Variants in ADAMTS6 observed in about 807,000 individuals in gnomAD.
ADAMTS6 encodes ADAM metallopeptidase with thrombospondin type 1 motif 6, also known as A disintegrin and metalloproteinase with thrombospondin motifs 6.
ADAMTS6 carries 23 observed loss-of-function variants against 144.3 expected under a neutral mutation model. The ratio of observed to expected loss-of-function variants is 0.16; its 90% CI spans 0.11 to 0.23. The LOEUF (loss-of-function observed/expected upper bound fraction) is 0.23. Among genes scored for constraint, ADAMTS6 ranks in the 10% least tolerant of loss-of-function variants. The pLI is 1.00. For synonymous variants in ADAMTS6, 444 were observed against 457.5 expected, an observed-to-expected ratio of 0.97 and a Z score of 0.38; for missense variants, 999 against 1,379.6, an observed-to-expected ratio of 0.72 and a Z score of 4.37.
chr5:65,218,698 T>C (rs1331378106), intron 18 of ADAMTS6, among the ~76,000 whole-genome samples: 1 of 152,154 alleles, frequency 6.6e-6, no homozygotes, highest in African/African-American at 2.4e-5. Context: ...ATGGTAAATA[T>C]GTGGGTAAAT....
chr5:65,168,040 C>T (rs1217843500), intron 24 of ADAMTS6, among the ~76,000 whole-genome samples: 31 of 150,152 alleles, frequency 2.1e-4, no homozygotes, highest in Non-Finnish European at 4.1e-4. Context: ...CCAGGGCAAT[C>T]AGGCAGGAGA....
At chr5:65,308,443 A>G (rs915497589) in intron 9 of ADAMTS6, among the ~76,000 whole-genome samples, 1 of 152,038 alleles carries the variant, frequency 6.6e-6, no homozygotes, top group Non-Finnish European at 1.5e-5. Flanking sequence ...AAAACTAACT[A>G]TAAAATTGTG....
chr5:65,342,874 T>C (rs144372486), intron 7 of ADAMTS6, among the ~76,000 whole-genome samples: 27 of 152,112 alleles, frequency 1.8e-4, no homozygotes, highest in African/African-American at 6.0e-4. Flanking sequence ...ACAAAATTAA[T>C]GTACAAAAAT....
At chr5:65,366,297 A>T (rs1004224160) in intron 7 of ADAMTS6, among the ~76,000 whole-genome samples, 9 of 152,232 alleles carry the variant, frequency 5.9e-5, no homozygotes, top group African/African-American at 2.2e-4. Context: ...ATGGTAAAAA[A>T]ATGTTGGCAG....
At chr5:65,451,416 T>C in intron 7 of ADAMTS6, 59 bp downstream of exon 7, 1 of 1,599,818 alleles carries the variant, frequency 6.3e-7, no homozygotes, top group Non-Finnish European at 8.5e-7. Context: ...AGAACCAAAT[T>C]TATTACAATA....
chr5:65,281,673 A>G (rs1762999107), intron 11 of ADAMTS6, among the ~76,000 whole-genome samples: 1 of 152,122 alleles, frequency 6.6e-6, no homozygotes, highest in South Asian at 2.1e-4. Context: ...GAACAACACT[A>G]TTTGTAAATA....
chr5:65,175,382 T>C (rs1351373046), intron 22 of ADAMTS6, among the ~76,000 whole-genome samples: 1 of 123,360 alleles, frequency 8.1e-6, no homozygotes, highest in Non-Finnish European at 1.8e-5. Flanking sequence ...AAGAGAGAAA[T>C]ATACCAGAAG....
intron 24 of ADAMTS6, among the ~76,000 whole-genome samples, chr5:65,159,856 A>T (rs749941644): frequency 1.3e-5 from 2 of 152,222 alleles, no homozygotes; most frequent in African/African-American, 2.4e-5. Flanking sequence ...ATGGGCAGAT[A>T]TATGCACATA....
chr5:65,210,555 T>C, intron 20 of ADAMTS6: 1 of 519,244 alleles, frequency 1.9e-6, no homozygotes, highest in Non-Finnish European at 3.4e-6. Context: ...TTATCTGCTA[T>C]CTGGATGCAG....
chr5:65,297,679 G>C (rs1231827202), intron 10 of ADAMTS6, among the ~76,000 whole-genome samples: 1 of 152,138 alleles, frequency 6.6e-6, no homozygotes, highest in Non-Finnish European at 1.5e-5. Context: ...AAGGAACAAA[G>C]AAATTCAAGA....
In ADAMTS6 at chr5:65,169,202, A is replaced by C. The variant is rs1179591935; in HGVS notation, c.3244+1415T>G. 5.8e-5 allele frequency among the ~76,000 whole-genome samples: 3 copies of C among 51,684 alleles called. 1 individual carries two copies. The East Asian group carries it at 9.0e-4, about 16-fold the overall frequency. The allele number at this position is 51,684 out of a possible 152,430, so 33.9% of individuals were successfully genotyped here. On this transcript the variant is annotated intron_variant, in intron 24 of 24. Coordinates refer to ENST00000381055, the MANE Select transcript of ADAMTS6 (RefSeq NM_197941.4). ...ACAAATTTACAAGAAAAAAACAAACAACCCCATCAAAAAGTGGGCAAAGGA... is the reference window on the plus strand; with the variant it reads ...ACAAATTTACAAGAAAAAAACAAACCACCCCATCAAAAAGTGGGCAAAGGA...
chr5:65,252,314 C>CT (rs57061439), intron 14 of ADAMTS6, among the ~76,000 whole-genome samples: 74,415 of 149,554 alleles, frequency 0.5, 19,205 homozygotes, highest in African/African-American at 0.66. Flanking sequence ...TGTGACCAAT[C>CT]TTTTTTTTTT....
intron 7 of ADAMTS6, among the ~76,000 whole-genome samples, chr5:65,386,976 A>C (rs1456278616): frequency 6.6e-6 from 1 of 152,246 alleles, no homozygotes; most frequent in Non-Finnish European, 1.5e-5. Flanking sequence ...TGAAAAACAA[A>C]GATGACTTCA....
chr5:65,168,274 C>G (rs1753336867), intron 24 of ADAMTS6, among the ~76,000 whole-genome samples: 1 of 151,518 alleles, frequency 6.6e-6, no homozygotes, highest in Non-Finnish European at 1.5e-5. Context: ...TGAGTGAACT[C>G]CCATTCACAA....
intron 7 of ADAMTS6, among the ~76,000 whole-genome samples, chr5:65,437,329 C>T (rs1010194315): frequency 6.6e-6 from 1 of 152,022 alleles, no homozygotes; most frequent in African/African-American, 2.4e-5. Flanking sequence ...ATCCTGACCT[C>T]GTGATCCACC....
At chr5:65,280,606 C>T (rs980722491) in intron 11 of ADAMTS6, among the ~76,000 whole-genome samples, 1 of 152,192 alleles carries the variant, frequency 6.6e-6, no homozygotes, top group Non-Finnish European at 1.5e-5. Context: ...AAGGCTTGTG[C>T]ATTATACTGG....
chr5:65,329,257 C>T (rs1294923927), intron 9 of ADAMTS6, 121 bp downstream of exon 9: 6 of 772,820 alleles, frequency 7.8e-6, no homozygotes, highest in African/African-American at 7.2e-5. Flanking sequence ...ATAACATCAT[C>T]TATTGGAATC....
intron 11 of ADAMTS6, among the ~76,000 whole-genome samples, chr5:65,290,114 T>C (rs1742144875): frequency 6.6e-6 from 1 of 152,188 alleles, no homozygotes; most frequent in Admixed American, 6.5e-5. Flanking sequence ...AATATACTTG[T>C]CACCAAAGAG....
chr5:65,457,728 A>C (rs908687840), intron 4 of ADAMTS6, among the ~76,000 whole-genome samples: 4 of 147,378 alleles, frequency 2.7e-5, no homozygotes, highest in Non-Finnish European at 4.5e-5. Flanking sequence ...TTTGAATCCT[A>C]GTTTTTTTCT....
Sources: allele counts gnomAD v4.1 joint callset (sites outside exome capture counted in the v4.1 genomes callset), GRCh38; gene constraint gnomAD v4.1.1; transcripts MANE v1.5; gene names NCBI Gene and HGNC (gene_info 2026-07-23, HGNC 2026-07-21).